MALRD1: variants seen among roughly 807,000 people sequenced by gnomAD.
MALRD1 encodes the protein MAM and LDL-receptor class A domain-containing protein 1.
Under a neutral mutation model 242.1 loss-of-function variants are expected in MALRD1, and 247 were observed. That is an observed-to-expected ratio of 1.02 (90% CI 0.92 to 1.13). The LOEUF is 1.13. Ranked by LOEUF, MALRD1 falls within the 50% of genes most tolerant of loss-of-function variation. MALRD1 has a pLI of 0.00. For synonymous variants in MALRD1, 995 were observed against 866.6 expected, an observed-to-expected ratio of 1.15 and a Z score of -2.60; for missense variants, 2,989 against 2,533.1, an observed-to-expected ratio of 1.18 and a Z score of -3.86.
chr10:19,261,585 T>G (rs1038877205), intron 19 of MALRD1, among the ~76,000 whole-genome samples: 1 of 151,988 alleles, frequency 6.6e-6, no homozygotes, highest in Non-Finnish European at 1.5e-5. Flanking sequence ...GATTATTTGT[T>G]TATAGCATTT....
chr10:19,579,902 T>G (rs935081843), intron 33 of MALRD1, among the ~76,000 whole-genome samples: 1 of 152,212 alleles, frequency 6.6e-6, no homozygotes, highest in African/African-American at 2.4e-5. Context: ...ATGCTTTAGC[T>G]ATTAAATAAA....
chr10:19,362,525 C>T (rs1844935792), intron 26 of MALRD1, among the ~76,000 whole-genome samples: 1 of 151,972 alleles, frequency 6.6e-6, no homozygotes. Flanking sequence ...GAGAGAATCC[C>T]ACACATAGGA....
At chr10:19,492,562 G>A (rs1837539679) in intron 30 of MALRD1, among the ~76,000 whole-genome samples, 1 of 152,184 alleles carries the variant, frequency 6.6e-6, no homozygotes, top group South Asian at 2.1e-4. Context: ...ATCCTCCAGA[G>A]TACTCCATGT....
rs1837071362 is a variant in MALRD1, at chr10:19,580,651, A to G, written c.5680+12948A>G. ...GTTGTGTTAAGTCTGAATTTTTTCC[A>G]GCTCCCTCTTATGTTAATTTTATTT... On this transcript the variant is annotated intron_variant, in intron 33 of 39. Coordinates refer to ENST00000454679, the MANE Select transcript of MALRD1 (RefSeq NM_001142308.3). Among the ~76,000 whole-genome samples, 3 of 152,122 alleles carry G rather than the reference A, an allele frequency of 2.0e-5. No individual in the cohort carries two copies. In the South Asian group the frequency reaches 6.2e-4, roughly 31 times the overall value.
At chr10:19,675,699 CA>C (rs1842109780) in intron 36 of MALRD1, among the ~76,000 whole-genome samples, 1 of 152,092 alleles carries the variant, frequency 6.6e-6, no homozygotes, top group Non-Finnish European at 1.5e-5. Flanking sequence ...ACATGTTGTC[CA>C]AATGTTAACT....
chr10:19,434,327 T>C (rs1187462190), intron 28 of MALRD1, among the ~76,000 whole-genome samples: 1 of 152,190 alleles, frequency 6.6e-6, no homozygotes, highest in Non-Finnish European at 1.5e-5. Flanking sequence ...AAGAAAATTT[T>C]CTGTAAATGC....
rs1845008426 is a variant in MALRD1, at chr10:19,364,002, G to A, written c.4441+11705G>A. ...AGGCCCTGAGAATATGAAGGAGTTT[G>A]TTTACAAACACAGAATCCTAGGGCA... is the stretch of plus-strand genomic sequence containing the variant. On this transcript the variant is annotated intron_variant, in intron 26 of 39. Coordinates refer to ENST00000454679, the MANE Select transcript of MALRD1 (RefSeq NM_001142308.3). 2.6e-5 allele frequency among the ~76,000 whole-genome samples: 4 copies of A among 151,988 alleles called. No individual in the cohort carries two copies. In the South Asian group the frequency reaches 8.3e-4, roughly 31 times the overall value.
intron 18 of MALRD1, among the ~76,000 whole-genome samples, chr10:19,225,597 T>A (rs1837766367): frequency 1.3e-5 from 2 of 152,142 alleles, no homozygotes; most frequent in South Asian, 4.1e-4. Flanking sequence ...ATCAGTATCA[T>A]TTTCTTTCTA....
At chr10:19,281,723 G>A in intron 20 of MALRD1, among the ~76,000 whole-genome samples, 1 of 152,028 alleles carries the variant, frequency 6.6e-6, no homozygotes, top group East Asian at 1.9e-4. Flanking sequence ...TGTAATCATA[G>A]CACTTTGGGA....
intron 31 of MALRD1, among the ~76,000 whole-genome samples, chr10:19,505,155 A>C (rs1032079460): frequency 6.6e-6 from 1 of 152,154 alleles, no homozygotes; most frequent in African/African-American, 2.4e-5. Context: ...AAATGGGATC[A>C]GAAATCCTAA....
At chr10:19,520,376 A>G (rs1833825304) in intron 31 of MALRD1, among the ~76,000 whole-genome samples, 1 of 150,722 alleles carries the variant, frequency 6.6e-6, no homozygotes, top group African/African-American at 2.4e-5. Context: ...GGCTCAAAAC[A>G]AGTATGTTTT....
At chr10:19,435,038 A>G (rs754173766) in intron 28 of MALRD1, among the ~76,000 whole-genome samples, 8 of 151,346 alleles carry the variant, frequency 5.3e-5, no homozygotes, top group Non-Finnish European at 1.0e-4. Flanking sequence ...GACAGTTCTT[A>G]CAGTTATTAA....
chr10:19,631,712 G>C (rs1839912051), intron 36 of MALRD1, among the ~76,000 whole-genome samples: 1 of 152,138 alleles, frequency 6.6e-6, no homozygotes, highest in African/African-American at 2.4e-5. Context: ...CTATGTCATT[G>C]TGGTTTTGAT....
intron 36 of MALRD1, among the ~76,000 whole-genome samples, chr10:19,674,903 A>G (rs1357844959): frequency 6.6e-6 from 1 of 150,542 alleles, no homozygotes; most frequent in African/African-American, 2.5e-5. Context: ...ACTTCATAAC[A>G]GCTTGAAAAA....
At chr10:19,207,143 G>C (rs1048606444) in intron 17 of MALRD1, among the ~76,000 whole-genome samples, 6 of 151,988 alleles carry the variant, frequency 3.9e-5, no homozygotes, top group Admixed American at 3.3e-4. Context: ...TTGGCATCAA[G>C]TGTCATTACT....
chr10:19,142,866 G>C (rs1427029785), intron 10 of MALRD1, among the ~76,000 whole-genome samples: 2 of 152,148 alleles, frequency 1.3e-5, no homozygotes, highest in Admixed American at 1.3e-4. Flanking sequence ...ACACAGGGGA[G>C]ATATTAATGG....
At chr10:19,540,332 G>T (rs1346395409) in intron 32 of MALRD1, among the ~76,000 whole-genome samples, 2 of 76,742 alleles carry the variant, frequency 2.6e-5, no homozygotes, top group Non-Finnish European at 5.1e-5. Context: ...CAGAATGACT[G>T]TGGGCCCTCT....
At chr10:19,511,829 A>G (rs897863476) in intron 31 of MALRD1, among the ~76,000 whole-genome samples, 2 of 152,148 alleles carry the variant, frequency 1.3e-5, no homozygotes, top group African/African-American at 4.8e-5. Flanking sequence ...CCATTTGTAA[A>G]CAGAAAAGAA....
intron 2 of MALRD1, among the ~76,000 whole-genome samples, chr10:19,076,865 T>C (rs2131269720): frequency 6.6e-6 from 1 of 152,082 alleles, no homozygotes; most frequent in East Asian, 1.9e-4. Flanking sequence ...TTGCATTGAA[T>C]TGGTAGATCA....
Sources: gnomAD v4.1 joint callset for allele counts (sites outside exome capture counted in the v4.1 genomes callset) on GRCh38, gnomAD v4.1.1 for gene constraint, MANE v1.5 for transcripts, NCBI Gene and HGNC (gene_info 2026-07-23, HGNC 2026-07-21) for gene names.